NTM: variants seen among roughly 807,000 people sequenced by gnomAD.
NTM encodes IgLON family member 2.
In NTM, 13 loss-of-function variants were observed where a neutral mutation model predicts 42.1. The observed-to-expected ratio is 0.31, with a 90% confidence interval of 0.20 to 0.49. The LOEUF (loss-of-function observed/expected upper bound fraction) is 0.49, where lower values mean the gene tolerates loss of function less well. NTM is among the 20% of genes least tolerant of loss of function. The pLI is 0.99. For synonymous variants in NTM, 187 were observed against 179.2 expected, an observed-to-expected ratio of 1.04 and a Z score of -0.35; for missense variants, 373 against 452.8, an observed-to-expected ratio of 0.82 and a Z score of 1.60.
At chr11:132,328,009 A>G (rs2095718701) in intron 7 of NTM, among the ~76,000 whole-genome samples, 1 of 152,148 alleles carries the variant, frequency 6.6e-6, no homozygotes, top group African/African-American at 2.4e-5. Flanking sequence ...TGTTCCTGAT[A>G]GTCAAAATGT....
intron 2 of NTM, among the ~76,000 whole-genome samples, chr11:132,076,047 T>C (rs2058322720): frequency 6.6e-6 from 1 of 152,226 alleles, no homozygotes; most frequent in African/African-American, 2.4e-5. Context: ...TCCATACATT[T>C]CATGCTAAAT....
intron 1 of NTM, among the ~76,000 whole-genome samples, chr11:131,890,471 C>T (rs972933627): frequency 3.9e-5 from 6 of 152,156 alleles, no homozygotes; most frequent in African/African-American, 9.7e-5. Flanking sequence ...GAGCCCTGTG[C>T]GTTGTTTACA....
intron 2 of NTM, among the ~76,000 whole-genome samples, chr11:132,119,550 CT>C (rs1453792087): frequency 6.6e-6 from 1 of 152,212 alleles, no homozygotes; most frequent in African/African-American, 2.4e-5. Context: ...AATAATTAAC[CT>C]TCTTACCGTT....
At chr11:131,810,402 A>G (rs1469372446) in intron 1 of NTM, among the ~76,000 whole-genome samples, 3 of 152,182 alleles carry the variant, frequency 2.0e-5, no homozygotes, top group Non-Finnish European at 2.9e-5. Context: ...GCAATAGCGT[A>G]GCCCTCTGCT....
At chr11:131,604,058 G>A (rs966683523) in intron 1 of NTM, among the ~76,000 whole-genome samples, 1 of 152,134 alleles carries the variant, frequency 6.6e-6, no homozygotes, top group Admixed American at 6.5e-5. Flanking sequence ...GACTAGGAGT[G>A]GGTCATATGA....
At chr11:132,097,036 A>C (rs2061087671) in intron 2 of NTM, among the ~76,000 whole-genome samples, 1 of 152,142 alleles carries the variant, frequency 6.6e-6, no homozygotes, top group Non-Finnish European at 1.5e-5. Context: ...AGCTGAATAG[A>C]TTTGTTTCAG....
In NTM at chr11:131,679,673, G is replaced by T. The variant is rs942040415; in HGVS notation, c.83-231891G>T. On this transcript the variant is annotated intron_variant, in intron 1 of 8. Transcript: ENST00000683400. ...TAGATAACTAGTGCCCCCTAGTAAG[G>T]TAGTAAGAAATATTGTAAAAATGTT... is the stretch of plus-strand genomic sequence containing the variant. Among the ~76,000 whole-genome samples, 3 of 151,246 alleles carry T rather than the reference G, an allele frequency of 2.0e-5. No individual in the cohort carries two copies. In the Admixed American group the frequency reaches 2.0e-4, roughly 10 times the overall value.
At chr11:131,735,564 G>A (rs1273484996) in intron 1 of NTM, among the ~76,000 whole-genome samples, 2 of 152,208 alleles carry the variant, frequency 1.3e-5, no homozygotes, top group African/African-American at 2.4e-5. Context: ...AGCTAGAATA[G>A]GCTAGTCTTG....
chr11:131,652,991 C>T (rs2066701077), intron 1 of NTM, among the ~76,000 whole-genome samples: 3 of 152,158 alleles, frequency 2.0e-5, no homozygotes, highest in Non-Finnish European at 2.9e-5. Flanking sequence ...TCCAAAACAT[C>T]TCCATAAAAC....
chr11:132,104,602 A>C (rs2062050539), intron 2 of NTM, among the ~76,000 whole-genome samples: 1 of 81,264 alleles, frequency 1.2e-5, no homozygotes, highest in Non-Finnish European at 2.7e-5. Context: ...AATAATAATA[A>C]CTAATAGTAA....
At chr11:132,306,446 A>T (rs2095084055) in intron 4 of NTM, 1 of 152,234 alleles carries the variant, frequency 6.6e-6, no homozygotes, top group African/African-American at 2.4e-5. Context: ...ACCAGATTAT[A>T]GGAGTAATAA....
At chr11:131,709,354 CA>C (rs1289408965) in intron 1 of NTM, among the ~76,000 whole-genome samples, 6 of 152,108 alleles carry the variant, frequency 3.9e-5, no homozygotes, top group Admixed American at 3.9e-4. Context: ...TTTTAGGCTC[CA>C]GGGGGCAAGA....
chr11:132,237,627 C>T (rs568427069), intron 4 of NTM, among the ~76,000 whole-genome samples: 15 of 151,904 alleles, frequency 9.9e-5, no homozygotes, highest in Non-Finnish European at 2.1e-4. Flanking sequence ...ACTGTGGAGA[C>T]GGAGGTGGGG....
intron 3 of NTM, among the ~76,000 whole-genome samples, chr11:132,192,777 C>T (rs1167651199): frequency 2.6e-5 from 4 of 151,998 alleles, no homozygotes; most frequent in African/African-American, 7.2e-5. Context: ...GTAACAACAC[C>T]CATAGGCTCA....
At chr11:131,681,889 C>T (rs941088360) in intron 1 of NTM, among the ~76,000 whole-genome samples, 23 of 143,802 alleles carry the variant, frequency 1.6e-4, no homozygotes, top group African/African-American at 5.7e-4. Context: ...CTGTGTGTCT[C>T]CTTGCGTGTG....
chr11:131,711,525 T>C (rs909973874), intron 1 of NTM, among the ~76,000 whole-genome samples: 56 of 152,342 alleles, frequency 3.7e-4, no homozygotes, highest in African/African-American at 1.3e-3. Flanking sequence ...ACTTTTACAC[T>C]GTTGGTGGGA....
chr11:131,413,053 G>C (rs564652642), intron 1 of NTM, among the ~76,000 whole-genome samples: 2 of 152,224 alleles, frequency 1.3e-5, no homozygotes, highest in South Asian at 4.2e-4. Context: ...TCTGTACCTG[G>C]TTTTGTGAGG....
chr11:132,300,733 C>T lies in NTM; in HGVS notation c.527-6956C>T, dbSNP rs77984859. Among the ~76,000 whole-genome samples, 892 of 152,334 alleles carry T rather than the reference C, an allele frequency of 5.9e-3. 11 individuals carry two copies. Among genetic ancestry groups the T allele is most frequent in the African/African-American group, 0.02 (850 of 41,580 alleles). On this transcript the variant is annotated intron_variant, in intron 4 of 8. Transcript: ENST00000683400. ...ACAGATTTGCATTAATTCCATATTA[C>T]TGTGCCTCTCAGCACCCATCTGCCT...
chr11:132,316,727 G>T (rs926456618), intron 7 of NTM, among the ~76,000 whole-genome samples: 1 of 152,150 alleles, frequency 6.6e-6, no homozygotes, highest in Admixed American at 6.5e-5. Flanking sequence ...ACATAATTCT[G>T]TGGAGCTCGC....
Sources: allele counts gnomAD v4.1 joint callset (sites outside exome capture counted in the v4.1 genomes callset), GRCh38; gene constraint gnomAD v4.1.1; transcripts MANE v1.5; gene names NCBI Gene and HGNC (gene_info 2026-07-23, HGNC 2026-07-21).